Variants in RPS6KA2 observed in about 807,000 individuals in gnomAD.
The protein encoded by RPS6KA2 is ribosomal protein S6 kinase alpha-2.
In RPS6KA2, 42 loss-of-function variants were observed where a neutral mutation model predicts 91.8. The observed-to-expected ratio is 0.46, with a 90% CI of 0.36 to 0.59. The LOEUF (loss-of-function observed/expected upper bound fraction) is 0.59, where lower values mean the gene tolerates loss of function less well. Ranked by LOEUF, RPS6KA2 falls within the 20% of genes least tolerant of loss-of-function variation. The pLI, the probability that RPS6KA2 is intolerant of heterozygous loss-of-function variation, is 0.00. For missense variants in RPS6KA2, 798 were observed against 978.5 expected (o/e 0.82, Z 2.46); for synonymous variants, 414 against 393.6 (o/e 1.05, Z -0.61).
At chr6:166,701,017 G>GC (rs1789500393) in intron 2 of RPS6KA2, 30 of 1,114,972 alleles carry the variant, frequency 2.7e-5, no homozygotes, top group Non-Finnish European at 1.4e-5. Flanking sequence ...CTGGATAGGG[G>GC]GTCAGCGCCT....
chr6:166,749,848 T>TCTC (rs961689342), intron 2 of RPS6KA2, among the ~76,000 whole-genome samples: 19 of 147,314 alleles, frequency 1.3e-4, no homozygotes, highest in South Asian at 2.2e-4. Context: ...GAGCCTGGCC[T>TCTC]CTCCTCCTCC....
At chr6:166,685,539 C>G (rs919558659) in intron 2 of RPS6KA2, among the ~76,000 whole-genome samples, 5 of 152,216 alleles carry the variant, frequency 3.3e-5, no homozygotes, top group African/African-American at 1.2e-4. Flanking sequence ...GGATTCATAG[C>G]CATGCATCTT....
intron 1 of RPS6KA2, among the ~76,000 whole-genome samples, chr6:166,606,208 C>T (rs1785949534): frequency 6.6e-6 from 1 of 152,220 alleles, no homozygotes; most frequent in Admixed American, 6.5e-5. Flanking sequence ...CAGCCATCTG[C>T]ACCCCACTTC....
At chr6:166,455,388 C>G (rs1333770590) in intron 12 of RPS6KA2, among the ~76,000 whole-genome samples, 1 of 152,164 alleles carries the variant, frequency 6.6e-6, no homozygotes. Flanking sequence ...CACTGGTGCT[C>G]TTCCTGGGGT....
intron 2 of RPS6KA2, among the ~76,000 whole-genome samples, chr6:166,660,124 A>G (rs1236598116): frequency 6.6e-6 from 1 of 152,194 alleles, no homozygotes; most frequent in Non-Finnish European, 1.5e-5. Flanking sequence ...GAGGAATTTT[A>G]AACTCTGTTT....
intron 10 of RPS6KA2, among the ~76,000 whole-genome samples, chr6:166,476,833 C>A (rs1780993472): frequency 1.3e-5 from 2 of 152,124 alleles, no homozygotes; most frequent in South Asian, 4.1e-4. Flanking sequence ...AGAGCTCTGG[C>A]ATTGAGAGCT....
At chr6:166,527,533 T>G (rs1783101689) in intron 3 of RPS6KA2, among the ~76,000 whole-genome samples, 1 of 152,216 alleles carries the variant, frequency 6.6e-6, no homozygotes, top group Non-Finnish European at 1.5e-5. Flanking sequence ...ATCTAGCAGC[T>G]GTTCATTTTA....
At chr6:166,794,485 C>CCTA (rs1779172338) in intron 2 of RPS6KA2, among the ~76,000 whole-genome samples, 1 of 151,640 alleles carries the variant, frequency 6.6e-6, no homozygotes, top group East Asian at 1.9e-4. Flanking sequence ...TACCGTTTGA[C>CCTA]CTAGCCATCC....
intron 1 of RPS6KA2, among the ~76,000 whole-genome samples, chr6:166,548,715 C>T (rs941116258): frequency 1.3e-5 from 2 of 152,086 alleles, no homozygotes; most frequent in Non-Finnish European, 2.9e-5. Context: ...AAATATAAAA[C>T]ATAAACTACA....
At chr6:166,549,756 T>C (rs1231509761) in intron 1 of RPS6KA2, among the ~76,000 whole-genome samples, 2 of 152,096 alleles carry the variant, frequency 1.3e-5, no homozygotes, top group South Asian at 2.1e-4. Flanking sequence ...ATTACACATG[T>C]GATATATTTG....
rs1292769519 is a variant in RPS6KA2 at position 166,495,189 on chromosome 6, C to A, written c.747+3319G>T. Among the ~76,000 whole-genome samples the A allele has an allele frequency of 6.6e-6, 1 of 152,156 alleles. No individual in the cohort carries two copies. The highest frequency in any genetic ancestry group is 1.5e-5 in the Non-Finnish European group (1 of 68,042). ...TCATTTCTGTGCACAGAAAGAATAC[C>A]GTCTTTCCTGCCCGGCTTGGAGATT... On this transcript the variant is annotated intron_variant, in intron 8 of 20. Coordinates refer to ENST00000265678, the MANE Select transcript of RPS6KA2 (RefSeq NM_021135.6). The surrounding 1 kb of genome is among the most constrained non-coding windows in gnomAD (Gnocchi z 4.4).
chr6:166,550,994 C>CAAAAAAAATAAAAAAAAA (rs1784003347), intron 1 of RPS6KA2, among the ~76,000 whole-genome samples: 1 of 106,380 alleles, frequency 9.4e-6, no homozygotes, highest in African/African-American at 3.0e-5. Context: ...GACTCTATCT[C>CAAAAAAAATAAAAAAAAA]AAAAAAAAAA....
At chr6:166,631,619 T>A (rs1787077996), upstream of RPS6KA2, among the ~76,000 whole-genome samples, 1 of 152,220 alleles carries the variant, frequency 6.6e-6, no homozygotes. Context: ...TCAAATAACT[T>A]TCCTGGTAAC....
At chr6:166,544,235 G>A (rs181555792) in intron 1 of RPS6KA2, among the ~76,000 whole-genome samples, 1 of 152,340 alleles carries the variant, frequency 6.6e-6, no homozygotes, top group East Asian at 1.9e-4. Context: ...AGTCTACCAC[G>A]CCGCTAGAAT....
chr6:166,661,142 C>T (rs979180589), intron 2 of RPS6KA2, among the ~76,000 whole-genome samples: 2 of 151,142 alleles, frequency 1.3e-5, no homozygotes, highest in Non-Finnish European at 2.9e-5. Flanking sequence ...GCTCTGTCGC[C>T]CAGCCTGGAG....
intron 1 of RPS6KA2, among the ~76,000 whole-genome samples, chr6:166,608,970 T>C (rs1786057476): frequency 6.6e-6 from 1 of 152,222 alleles, no homozygotes; most frequent in Non-Finnish European, 1.5e-5. Context: ...AAGGGCACTT[T>C]CCGGAACATG....
intron 11 of RPS6KA2, among the ~76,000 whole-genome samples, chr6:166,462,831 G>GT (rs1305427664): frequency 6.6e-6 from 1 of 152,252 alleles, no homozygotes; most frequent in Non-Finnish European, 1.5e-5. Flanking sequence ...AGGCATGCGT[G>GT]TGAGAGTGGA....
At chr6:166,608,283 G>T (rs1391962253) in intron 1 of RPS6KA2, among the ~76,000 whole-genome samples, 1 of 152,076 alleles carries the variant, frequency 6.6e-6, no homozygotes, top group Non-Finnish European at 1.5e-5. Context: ...TCCCCCAGAG[G>T]GTAGACAACG....
chr6:166,858,512 C>T (rs1040675314), intron 1 of RPS6KA2, among the ~76,000 whole-genome samples: 14 of 152,300 alleles, frequency 9.2e-5, no homozygotes, highest in Middle Eastern at 3.4e-3. Context: ...CTAACTCAAA[C>T]GACTAAATCA....
Sources: gnomAD v4.1 joint callset for allele counts (sites outside exome capture counted in the v4.1 genomes callset) on GRCh38, gnomAD v4.1.1 for gene constraint, Gnocchi (gnomAD v3.1) non-coding constraint, MANE v1.5 for transcripts, NCBI Gene and HGNC (gene_info 2026-07-23, HGNC 2026-07-21) for gene names.